The following PRELID2 variants were observed in gnomAD, a reference collection of about 807,000 sequenced individuals.
The protein encoded by PRELID2 is PRELI domain-containing protein 2.
A neutral mutation model predicts 28.4 loss-of-function variants in PRELID2; 25 were observed. The ratio of observed to expected loss-of-function variants is 0.88; its 90% CI spans 0.64 to 1.23. The LOEUF is 1.23. Among genes scored for constraint, PRELID2 ranks in the 50% most tolerant of loss-of-function variants. The pLI is 0.00. For missense variants in PRELID2, 201 were observed against 214.4 expected (o/e 0.94, Z 0.39); for synonymous variants, 76 against 71.6 (o/e 1.06, Z -0.31).
At chr5:145,420,433 G>C in the PRELID2 span, among the ~76,000 whole-genome samples, 2 of 150,408 alleles carry the variant, frequency 1.3e-5, no homozygotes, top group East Asian at 1.9e-4. Flanking sequence ...AGTTCTCCTT[G>C]AAGAGGTCCT....
At chr5:145,692,079 T>A (rs1561545804) in intron 1 of PRELID2, among the ~76,000 whole-genome samples, 1 of 152,172 alleles carries the variant, frequency 6.6e-6, no homozygotes, top group Non-Finnish European at 1.5e-5. Context: ...TACCTGCTCT[T>A]ATCGTTATCT....
the PRELID2 span, among the ~76,000 whole-genome samples, chr5:145,326,292 C>G: frequency 5.9e-5 from 9 of 152,104 alleles, no homozygotes; most frequent in Non-Finnish European, 1.0e-4. Context: ...AGGTATAAAC[C>G]ACTGCAGTCA....
At chr5:145,371,066 C>T in the PRELID2 span, among the ~76,000 whole-genome samples, 1 of 152,166 alleles carries the variant, frequency 6.6e-6, no homozygotes, top group South Asian at 2.1e-4. Context: ...CTAACAGAGA[C>T]AATTTGACCT....
chr5:145,528,386 A>G (rs1752626363), intron 1 of PRELID2, among the ~76,000 whole-genome samples: 1 of 152,128 alleles, frequency 6.6e-6, no homozygotes, highest in Non-Finnish European at 1.5e-5. Context: ...GCTTAAACGA[A>G]TAAATAAATC....
At chr5:145,445,017 T>C in the PRELID2 span, among the ~76,000 whole-genome samples, 1 of 152,064 alleles carries the variant, frequency 6.6e-6, no homozygotes, top group African/African-American at 2.4e-5. Context: ...TTCACAGAAA[T>C]AGATTTTTAA....
intron 1 of PRELID2, among the ~76,000 whole-genome samples, chr5:145,681,703 C>T (rs1452417152): frequency 1.3e-5 from 2 of 152,166 alleles, no homozygotes; most frequent in Non-Finnish European, 2.9e-5. Context: ...CCAAACTGCA[C>T]CCCCTTCTCT....
At chr5:145,386,555 A>C in the PRELID2 span, among the ~76,000 whole-genome samples, 1 of 152,096 alleles carries the variant, frequency 6.6e-6, no homozygotes. Flanking sequence ...AGGCCTCCCC[A>C]GCCATGCAGA....
At chr5:145,524,744 C>T (rs966532109) in intron 1 of PRELID2, among the ~76,000 whole-genome samples, 1 of 152,152 alleles carries the variant, frequency 6.6e-6, no homozygotes, top group Non-Finnish European at 1.5e-5. Flanking sequence ...TGGAATAACT[C>T]GGAACCAACC....
At chr5:145,562,188 A>G (rs573258295) in intron 1 of PRELID2, among the ~76,000 whole-genome samples, 1 of 152,340 alleles carries the variant, frequency 6.6e-6, no homozygotes, top group East Asian at 1.9e-4. Flanking sequence ...GCTGACTAGC[A>G]AGTGCCAAAT....
chr5:145,706,397 G>A (rs1463372149), intron 1 of PRELID2, among the ~76,000 whole-genome samples: 3 of 152,182 alleles, frequency 2.0e-5, no homozygotes, highest in Non-Finnish European at 2.9e-5. Flanking sequence ...ATTGATGAGC[G>A]TAACTCCTTT....
At chr5:145,775,805 C>T (rs1393863833) in intron 5 of PRELID2, among the ~76,000 whole-genome samples, 1 of 152,228 alleles carries the variant, frequency 6.6e-6, no homozygotes, top group East Asian at 1.9e-4. Context: ...CTTGACTTCA[C>T]TCCTCATCCT....
At chr5:145,669,157 A>G (rs1367323026) in intron 1 of PRELID2, among the ~76,000 whole-genome samples, 1 of 152,118 alleles carries the variant, frequency 6.6e-6, no homozygotes, top group East Asian at 1.9e-4. Context: ...ATTGGGCCGC[A>G]TGGAGGCAGG....
intron 1 of PRELID2, among the ~76,000 whole-genome samples, chr5:145,655,117 A>T (rs970746729): frequency 2.0e-5 from 3 of 151,682 alleles, no homozygotes; most frequent in Non-Finnish European, 4.4e-5. Flanking sequence ...AGACAAACAG[A>T]GAGCCAAATC....
the PRELID2 span, among the ~76,000 whole-genome samples, chr5:145,353,404 A>G: frequency 6.6e-6 from 1 of 152,046 alleles, no homozygotes; most frequent in African/African-American, 2.4e-5. Context: ...CAGAGGTTGC[A>G]GTGAGCCAAG....
At chr5:145,576,641 G>A (rs113424325) in intron 1 of PRELID2, among the ~76,000 whole-genome samples, 50 of 149,952 alleles carry the variant, frequency 3.3e-4, no homozygotes, top group African/African-American at 1.2e-3. Context: ...AGAAAATAAG[G>A]TGAGAGATCA....
chr5:145,440,689 A>G, the PRELID2 span: 2 of 152,120 alleles, frequency 1.3e-5, no homozygotes, highest in Admixed American at 6.6e-5. Flanking sequence ...GGGAGTCACA[A>G]CCAACACTCT....
chr5:145,289,689 T>C, the PRELID2 span, among the ~76,000 whole-genome samples: 2 of 152,168 alleles, frequency 1.3e-5, no homozygotes, highest in African/African-American at 2.4e-5. Context: ...TGTTCTAAAG[T>C]GGTAGTCTCA....
chr5:145,602,562 C>T (rs1345001929), intron 1 of PRELID2, among the ~76,000 whole-genome samples: 1 of 151,880 alleles, frequency 6.6e-6, no homozygotes, highest in African/African-American at 2.4e-5. Context: ...CTATGTTTAT[C>T]ACAGTAAAGG....
At chr5:145,632,723 T>C (rs1440908813) in intron 1 of PRELID2, among the ~76,000 whole-genome samples, 2 of 152,194 alleles carry the variant, frequency 1.3e-5, no homozygotes, top group South Asian at 2.1e-4. Context: ...ATCATCTCCC[T>C]TGAGAGTGAG....
Sources: gnomAD v4.1 joint callset for allele counts (sites outside exome capture counted in the v4.1 genomes callset) on GRCh38, gnomAD v4.1.1 for gene constraint, MANE v1.5 for transcripts, NCBI Gene and HGNC (gene_info 2026-07-23, HGNC 2026-07-21) for gene names.